Variants in CEP126 observed in about 807,000 individuals in gnomAD.
The protein encoded by CEP126 is centrosomal protein 126.
Under a neutral mutation model 107.8 loss-of-function variants are expected in CEP126, and 74 were observed. The ratio of observed to expected loss-of-function variants is 0.69; its 90% CI spans 0.57 to 0.83. The LOEUF (loss-of-function observed/expected upper bound fraction) is 0.83, where lower values mean the gene tolerates loss of function less well. Ranked by LOEUF, CEP126 falls within the 40% of genes least tolerant of loss-of-function variation. The probability of loss-of-function intolerance (pLI) is 0.00; values close to 1 mark genes in which losing one functional copy is unlikely to be tolerated. For synonymous variants in CEP126, 449 were observed against 446.0 expected (o/e 1.01, Z -0.08); for missense variants, 1,237 against 1,281.9 (o/e 0.96, Z 0.53).
intron 4 of CEP126, among the ~76,000 whole-genome samples, chr11:101,951,777 G>C (rs140596369): frequency 4.7e-4 from 71 of 152,282 alleles, no homozygotes; most frequent in African/African-American, 1.5e-3. Context: ...GAATTGAGGG[G>C]ATAAATATCC....
Position 101,953,713 on chromosome 11 carries a change from A to C in CEP126, c.507-4455A>C, listed in dbSNP as rs370578206. On this transcript the variant is annotated intron_variant, in intron 4 of 10. Transcript: ENST00000263468. The stretch of plus-strand genomic sequence containing the variant: ...TAGTTAACCACAAGCAAAGTAGTAC[A>C]TTGAAGTGATAGAGGTGGAAGCCAG... 2.7e-3 allele frequency among the ~76,000 whole-genome samples: 408 copies of C among 152,320 alleles called. 2 individuals are homozygous for C. The highest frequency in any genetic ancestry group is 9.4e-3 in the African/African-American group (391 of 41,576).
In CEP126 at chr11:101,939,613, C is replaced by T. The variant is rs530710732; in HGVS notation, c.249-4652C>T. On this transcript the variant is annotated intron_variant, in intron 2 of 10. Transcript: ENST00000263468. Reference sequence around the variant, plus strand: ...TAGTTTACCATGATTTCACTCAGTACCAATGAGATGGTTGTTAATTCATGT... The same window carrying T: ...TAGTTTACCATGATTTCACTCAGTATCAATGAGATGGTTGTTAATTCATGT... Among the ~76,000 whole-genome samples, 3 of 152,248 alleles carry T rather than the reference C, an allele frequency of 2.0e-5. No homozygotes were observed. In the South Asian group the frequency reaches 6.2e-4, roughly 32 times the overall value.
intron 3 of CEP126, among the ~76,000 whole-genome samples, chr11:101,946,950 A>G (rs867761478): frequency 6.6e-6 from 1 of 152,176 alleles, no homozygotes; most frequent in Non-Finnish European, 1.5e-5. Flanking sequence ...AATAATTTTT[A>G]AATTATTTAT....
chr11:101,975,230 G>A (rs573181280), intron 6 of CEP126, among the ~76,000 whole-genome samples: 14 of 152,170 alleles, frequency 9.2e-5, no homozygotes, highest in East Asian at 1.9e-4. Context: ...GACATGACTC[G>A]TTCGTCAATT....
Position 101,978,464 on chromosome 11 carries a change from G to A in CEP126, c.2958+5G>A. 6.5e-7 allele frequency: 1 copy of A among 1,532,966 alleles called. No homozygotes were observed. The highest frequency in any genetic ancestry group is 9.0e-7 in the Non-Finnish European group (1 of 1,109,610). 95.0% of individuals were successfully genotyped at this position (1,532,966 alleles called of 1,614,324 possible). A position where few individuals can be genotyped will look rare whatever the true frequency, so the allele number is the denominator to read the frequency against. On this transcript the variant is annotated splice_donor_5th_base_variant and intron_variant, in intron 7 of 10. Coordinates refer to ENST00000263468, the MANE Select transcript of CEP126 (RefSeq NM_020802.4). ...AAGTACAGTGAGCAAATTAATGTAA[G>A]TATGGTATTAATCAAAATCTCTATT...
At position 101,932,654 on chromosome 11, in the gene CEP126, T is replaced by TTTAAATGA. The variant is rs1180336176; in HGVS notation, c.248+9896_248+9897insAAATGATT. Among the ~76,000 whole-genome samples, 3 of 152,148 alleles carry TTTAAATGA rather than the reference T, an allele frequency of 2.0e-5. No individual in the cohort carries two copies. The East Asian group carries it at 5.8e-4, about 29-fold the overall frequency. On this transcript the variant is annotated intron_variant, in intron 2 of 10. Transcript: ENST00000263468. ...CACTGTTTCTGCCTAGAGCACTTTT[T>TTTAAATGA]TTCCCCATTTTTAAAATGATTTGCC...
intron 4 of CEP126, chr11:101,956,709 C>G: frequency 4.4e-6 from 2 of 456,160 alleles, no homozygotes; most frequent in South Asian, 3.1e-5. Flanking sequence ...GGTTTGCCTC[C>G]AACTTATTTA....
intron 7 of CEP126, among the ~76,000 whole-genome samples, chr11:101,981,059 C>T (rs1017662963): frequency 6.6e-6 from 1 of 152,186 alleles, no homozygotes; most frequent in Non-Finnish European, 1.5e-5. Flanking sequence ...TGGTATCTCT[C>T]AGAAAGTGTT....
chr11:101,955,047 G>A (rs1187019500), intron 4 of CEP126, among the ~76,000 whole-genome samples: 2 of 151,952 alleles, frequency 1.3e-5, no homozygotes, highest in East Asian at 1.9e-4. Flanking sequence ...AAATGTTAGT[G>A]GTAGATAAAA....
intron 6 of CEP126, among the ~76,000 whole-genome samples, chr11:101,973,665 AT>A (rs1194491024): frequency 3.2e-4 from 49 of 152,210 alleles, no homozygotes; most frequent in Non-Finnish European, 5.9e-5. Context: ...AAAACTTAAA[AT>A]TTTTTTTAAA....
chr11:101,934,898 A>T (rs1940553079), intron 2 of CEP126, among the ~76,000 whole-genome samples: 1 of 152,030 alleles, frequency 6.6e-6, no homozygotes, highest in Non-Finnish European at 1.5e-5. Context: ...ATACATTTTT[A>T]TTTGTTCTGA....
chr11:101,917,882 A>G (rs1453579271), intron 1 of CEP126, among the ~76,000 whole-genome samples: 1 of 152,184 alleles, frequency 6.6e-6, no homozygotes, highest in Non-Finnish European at 1.5e-5. Flanking sequence ...TCAAAGAAAA[A>G]TCACAAAACA....
intron 1 of CEP126, among the ~76,000 whole-genome samples, chr11:101,919,958 G>A (rs1274347735): frequency 6.6e-6 from 1 of 152,138 alleles, no homozygotes; most frequent in Non-Finnish European, 1.5e-5. Flanking sequence ...TCTGGCTCTT[G>A]TTAAAATATT....
At position 101,998,774 on chromosome 11, in the gene CEP126, A is replaced by G. The variant is rs1245515015; in HGVS notation, c.*1131A>G. ...GCCTACCATGTACCAAATTTTGTGC[A>G]TATATTTTTTATTTAATCTGACCAG... On this transcript the variant is annotated 3_prime_UTR_variant, in exon 11 of 11. Transcript: ENST00000263468. 1.3e-5 allele frequency: 2 copies of G among 152,072 alleles called. No homozygotes were observed. Among genetic ancestry groups the G allele is most frequent in the African/African-American group, 4.8e-5 (2 of 41,406 alleles). 9.4% of individuals were successfully genotyped at this position (152,072 alleles called of 1,614,324 possible). A position where few individuals can be genotyped will look rare whatever the true frequency, so the allele number is the denominator to read the frequency against.
In CEP126 at chr11:101,915,399, C is replaced by G. The variant is rs1255880136; in HGVS notation, c.115C>G (p.Pro39Ala). The change falls in exon 1 of 11, where the codon CCT becomes GCT. Residue 39 changes from proline (P) to alanine (A), a missense_variant. Transcript: ENST00000263468. Reference protein sequence around the residue: ...GPRESGGHHRPGSYLDMKIHL... With the variant: ...GPRESGGHHRAGSYLDMKIHL... ...TCGGGAGAGCGGCGGGCATCACCGA[C>G]CTGGCTCTTACCTGTATCCTTCCCA... 3.1e-6 allele frequency: 5 copies of G among 1,613,098 alleles called. No individual in the cohort carries two copies. The highest frequency in any genetic ancestry group is 4.2e-6 in the Non-Finnish European group (5 of 1,179,780).
intron 6 of CEP126, among the ~76,000 whole-genome samples, chr11:101,965,051 CA>C (rs534738557): frequency 6.6e-6 from 1 of 151,776 alleles, no homozygotes; most frequent in East Asian, 1.9e-4. Context: ...TTTGTGAGAG[CA>C]AAAAAATGAT....
At chr11:101,918,447 A>G (rs924008610) in intron 1 of CEP126, among the ~76,000 whole-genome samples, 3 of 152,076 alleles carry the variant, frequency 2.0e-5, no homozygotes, top group African/African-American at 4.8e-5. Context: ...GACCCTGTCT[A>G]TAAATAAATA....
rs148098227 is a variant in CEP126 at position 101,945,571 on chromosome 11, T to A, written c.394+1161T>A. Among the ~76,000 whole-genome samples, 1,073 of 152,264 alleles carry A rather than the reference T, an allele frequency of 7.0e-3. 7 individuals carry two copies. Among genetic ancestry groups the A allele is most frequent in the Non-Finnish European group, 0.011 (725 of 68,014 alleles). ...CTAAATAACAATAGCTTAAACATGA[T>A]AACAGTTTATTTTTCTCCCATATAA... On this transcript the variant is annotated intron_variant, in intron 3 of 10. Transcript: ENST00000263468.
chr11:101,927,751 G>A (rs1940434231), intron 2 of CEP126, among the ~76,000 whole-genome samples: 1 of 152,086 alleles, frequency 6.6e-6, no homozygotes, highest in Non-Finnish European at 1.5e-5. Flanking sequence ...TCTTATTGCT[G>A]AATATTTATT....
Sources: gnomAD v4.1 joint callset for allele counts (sites outside exome capture counted in the v4.1 genomes callset) on GRCh38, gnomAD v4.1.1 for gene constraint, MANE v1.5 for transcripts, NCBI Gene and HGNC (gene_info 2026-07-23, HGNC 2026-07-21) for gene names.